ANKRD11: variants seen among roughly 807,000 people sequenced by gnomAD.
ANKRD11 encodes the protein ankyrin repeat domain-containing protein 11.
Under a neutral mutation model 195.7 loss-of-function variants are expected in ANKRD11, and 17 were observed. The observed-to-expected ratio is 0.09, with a 90% CI of 0.06 to 0.13. The LOEUF (loss-of-function observed/expected upper bound fraction) is 0.13, where lower values mean the gene tolerates loss of function less well. Among genes scored for constraint, ANKRD11 ranks in the 10% least tolerant of loss-of-function variants. The pLI is 1.00. For synonymous variants in ANKRD11, 1,953 were observed against 1,528.1 expected (o/e 1.28, Z -6.49); for missense variants, 3,735 against 3,566.1 (o/e 1.05, Z -1.21).
intron 1 of ANKRD11, among the ~76,000 whole-genome samples, chr16:89,442,827 C>A (rs1450898524): frequency 5.9e-5 from 9 of 152,196 alleles, no homozygotes. Context: ...TGGTGAGCCT[C>A]CGGCGCTCCT....
chr16:89,437,717 GC>G (rs1567804982), intron 1 of ANKRD11, among the ~76,000 whole-genome samples: 1 of 152,060 alleles, frequency 6.6e-6, no homozygotes. Context: ...TGGTGCCCTG[GC>G]CACTCTCATT....
chr16:89,324,355 A>G (rs1382950386), intron 2 of ANKRD11: 26 of 1,052,680 alleles, frequency 2.5e-5, no homozygotes, highest in Non-Finnish European at 3.4e-5. Context: ...CAGAAGAGGG[A>G]AAAAGCCAGG....
At chr16:89,431,992 C>T (rs868174406) in intron 1 of ANKRD11, among the ~76,000 whole-genome samples, 2 of 152,130 alleles carry the variant, frequency 1.3e-5, no homozygotes, top group Admixed American at 1.3e-4. Context: ...TCCCCCCCAT[C>T]ACTGTCACTC....
chr16:89,290,498 G>C, intron 6 of ANKRD11, 127 bp downstream of exon 6: 1 of 640,408 alleles, frequency 1.6e-6, no homozygotes, highest in Non-Finnish European at 2.6e-6. Flanking sequence ...GGCTCCAATG[G>C]GGGGAGGCTC....
intron 9 of ANKRD11, among the ~76,000 whole-genome samples, chr16:89,276,959 G>A (rs539709379): frequency 1.3e-5 from 2 of 152,092 alleles, no homozygotes; most frequent in Non-Finnish European, 2.9e-5. Flanking sequence ...AGGAGGCTGA[G>A]GCAGGAGAAT....
chr16:89,466,546 C>A (rs1223696961), intron 1 of ANKRD11, among the ~76,000 whole-genome samples: 1 of 152,032 alleles, frequency 6.6e-6, no homozygotes, highest in Non-Finnish European at 1.5e-5. Context: ...GGGTAAAATT[C>A]CTAATGCCTG....
At chr16:89,412,430 C>G (rs2042139292) in intron 2 of ANKRD11, 1 of 152,658 alleles carries the variant, frequency 6.6e-6, no homozygotes, top group East Asian at 1.9e-4. Flanking sequence ...ACACCGGACC[C>G]TCCATCTCCT....
intron 2 of ANKRD11, among the ~76,000 whole-genome samples, chr16:89,334,169 A>AAAAAAAAAAAAAAAAAAAAAAAAC (rs2038221625): frequency 9.3e-6 from 1 of 107,292 alleles, no homozygotes; most frequent in African/African-American, 3.5e-5. Flanking sequence ...AAAAAAAAAA[A>AAAAAAAAAAAAAAAAAAAAAAAAC]AAAACAGAGA....
intron 3 of ANKRD11, 102 bp from the exon 4 acceptor site, chr16:89,305,446 G>A (rs1291061274): frequency 6.0e-6 from 9 of 1,501,634 alleles, no homozygotes; most frequent in Non-Finnish European, 8.2e-6. Flanking sequence ...TCTTATTTGG[G>A]CAATGAACAC....
intron 2 of ANKRD11, among the ~76,000 whole-genome samples, chr16:89,367,896 C>G (rs1465138985): frequency 1.3e-5 from 2 of 152,094 alleles, no homozygotes; most frequent in Non-Finnish European, 1.5e-5. Context: ...ACCGGCTACT[C>G]CAGAGGCTGA....
At chr16:89,309,651 C>T (rs1056317561) in intron 3 of ANKRD11, among the ~76,000 whole-genome samples, 7 of 152,232 alleles carry the variant, frequency 4.6e-5, no homozygotes, top group African/African-American at 1.7e-4. Context: ...AGGAAGGCGG[C>T]TCCCATCCAC....
At position 89,280,034 on chromosome 16, in the gene ANKRD11, C is replaced by G; in HGVS notation, c.6508G>C (p.Ala2170Pro). 3 of 1,612,768 alleles carry G rather than the reference C, an allele frequency of 1.9e-6. No individual in the cohort carries two copies. The highest frequency in any genetic ancestry group is 2.5e-6 in the Non-Finnish European group (3 of 1,179,946). ...LAPPEEMPPG[A>P]PGVINGGDVS... Reference sequence around the variant, plus strand: ...TCCCCACCGTTTATGACCCCGGGGGCCCCTGGAGGCATCTCTTCTGGAGGA... The same window carrying G: ...TCCCCACCGTTTATGACCCCGGGGGGCCCTGGAGGCATCTCTTCTGGAGGA... Residue 2170 changes from alanine (A) to proline (P), a missense_variant, in exon 9 of 13, where the codon GCC becomes CCC. Physicochemically the swap from Ala to Pro is conservative, Grantham distance 27 (BLOSUM62 -1). Transcript: ENST00000301030.
intron 1 of ANKRD11, among the ~76,000 whole-genome samples, chr16:89,475,587 T>C (rs2057230169): frequency 6.6e-6 from 1 of 152,178 alleles, no homozygotes; most frequent in South Asian, 2.1e-4. Context: ...AAAGATAATT[T>C]TTCCTAAAAT....
intron 1 of ANKRD11, among the ~76,000 whole-genome samples, chr16:89,467,843 C>A (rs1451252209): frequency 6.6e-6 from 1 of 151,984 alleles, no homozygotes; most frequent in Admixed American, 6.6e-5. Context: ...CTCTGTTGCC[C>A]GGGCTCAAGT....
At chr16:89,473,070 G>T (rs1172247111) in intron 1 of ANKRD11, among the ~76,000 whole-genome samples, 1 of 152,104 alleles carries the variant, frequency 6.6e-6, no homozygotes, top group East Asian at 1.9e-4. Context: ...ACACACCTGT[G>T]GTCCCAGCTA....
At chr16:89,305,148 TGGGCTGCTCC>T (rs2036106237) in intron 4 of ANKRD11, 48 bp downstream of exon 4, 37 of 1,595,174 alleles carry the variant, frequency 2.3e-5, no homozygotes, top group Non-Finnish European at 3.0e-5. Context: ...ACGCCCTGCC[TGGGCTGCTCC>T]GGGCTGCCTG....
chr16:89,487,503 C>T (rs1397861581), intron 1 of ANKRD11, among the ~76,000 whole-genome samples: 3 of 152,182 alleles, frequency 2.0e-5, no homozygotes, highest in African/African-American at 7.2e-5. Flanking sequence ...AGGCCGGGCG[C>T]GGTGGCTCAC....
intron 2 of ANKRD11, among the ~76,000 whole-genome samples, chr16:89,382,239 A>G (rs1229904407): frequency 6.6e-6 from 1 of 152,124 alleles, no homozygotes; most frequent in South Asian, 2.1e-4. Context: ...GAGTGACCCA[A>G]GCAAAGTTAA....
intron 1 of ANKRD11, among the ~76,000 whole-genome samples, chr16:89,478,566 A>G (rs1466745824): frequency 6.6e-6 from 1 of 152,172 alleles, no homozygotes. Flanking sequence ...ACAACTGAGC[A>G]TCATACAAAT....
Sources: allele counts gnomAD v4.1 joint callset (sites outside exome capture counted in the v4.1 genomes callset), GRCh38; gene constraint gnomAD v4.1.1; transcripts MANE v1.5; gene names NCBI Gene and HGNC (gene_info 2026-07-23, HGNC 2026-07-21).